Variants in ERBIN observed in about 807,000 individuals in gnomAD.
ERBIN encodes erbb2 interacting protein.
Under a neutral mutation model 158.4 loss-of-function variants are expected in ERBIN, and 60 were observed. That is an observed-to-expected ratio of 0.38 (90% CI 0.31 to 0.47). ERBIN has a LOEUF of 0.47. Ranked by LOEUF, ERBIN falls within the 20% of genes least tolerant of loss-of-function variation. ERBIN has a pLI of 0.99. For missense variants in ERBIN, 1,610 were observed against 1,648.0 expected (o/e 0.98, Z 0.40); for synonymous variants, 594 against 557.2 (o/e 1.07, Z -0.93).
chr5:66,028,669 T>C (rs764852807), intron 14 of ERBIN, among the ~76,000 whole-genome samples: 2 of 152,158 alleles, frequency 1.3e-5, no homozygotes, highest in Non-Finnish European at 2.9e-5. Flanking sequence ...ACACTTAAAG[T>C]CTACTCGGCA....
chr5:66,002,174 A>G (rs1358582951), intron 4 of ERBIN, among the ~76,000 whole-genome samples: 2 of 152,094 alleles, frequency 1.3e-5, no homozygotes, highest in Non-Finnish European at 2.9e-5. Context: ...ATAATATTCC[A>G]TGGTGTATTA....
intron 1 of ERBIN, among the ~76,000 whole-genome samples, chr5:65,948,281 C>G (rs1168227968): frequency 2.6e-5 from 4 of 151,800 alleles, no homozygotes; most frequent in Non-Finnish European, 5.9e-5. Flanking sequence ...CTCAAGCAAT[C>G]TTCCCGCCTC....
At chr5:65,931,503 C>A (rs567221148) in intron 1 of ERBIN, among the ~76,000 whole-genome samples, 39 of 152,168 alleles carry the variant, frequency 2.6e-4, no homozygotes, top group African/African-American at 9.4e-4. Context: ...GGCAGCTGTT[C>A]TCAGACTTTT....
intron 1 of ERBIN, among the ~76,000 whole-genome samples, chr5:65,945,479 G>A (rs952765908): frequency 6.6e-6 from 1 of 152,148 alleles, no homozygotes; most frequent in Non-Finnish European, 1.5e-5. Flanking sequence ...GAGCCTGATG[G>A]AGATCCAGGA....
intron 1 of ERBIN, among the ~76,000 whole-genome samples, chr5:65,970,630 CAG>C (rs1749145438): frequency 6.6e-6 from 1 of 152,196 alleles, no homozygotes; most frequent in Non-Finnish European, 1.5e-5. Context: ...CTCTTTTGCT[CAG>C]AGTTGAGTGC....
chr5:66,012,172 A>G, intron 5 of ERBIN, 45 bp downstream of exon 5: 1 of 1,234,102 alleles, frequency 8.1e-7, no homozygotes, highest in Non-Finnish European at 1.2e-6. Flanking sequence ...GAATAAAACA[A>G]TTATGAAACT....
At position 66,044,274 on chromosome 5, in the gene ERBIN, A is replaced by G; in HGVS notation, c.1566A>G (p.Glu522=). The change falls in exon 17 of 26, where the codon GAA becomes GAG. Residue 522 remains glutamate (E), a synonymous_variant. Transcript: ENST00000284037. The part of the protein sequence containing the change: ...EDSGRDLKPH[E]DQQDINKDVG... ...CAGGAAGAGATTTGAAACCACATGA[A>G]GATCAACAAGATATAAATAAAGATG... 2 of 1,604,250 alleles carry G rather than the reference A, an allele frequency of 1.2e-6. No individual in the cohort carries two copies. The highest frequency in any genetic ancestry group is 1.7e-6 in the Non-Finnish European group (2 of 1,177,436).
chr5:66,008,373 C>T (rs1288190735), intron 4 of ERBIN, among the ~76,000 whole-genome samples: 2 of 152,188 alleles, frequency 1.3e-5, no homozygotes, highest in Middle Eastern at 3.4e-3. Flanking sequence ...GAGCTGAGAT[C>T]GCGCCACTGC....
chr5:65,933,449 T>C (rs1743688386), intron 1 of ERBIN, among the ~76,000 whole-genome samples: 1 of 152,234 alleles, frequency 6.6e-6, no homozygotes, highest in African/African-American at 2.4e-5. Context: ...TGCTTACTGT[T>C]CCTCAGGAGG....
At chr5:65,939,857 T>C (rs1409424904) in intron 1 of ERBIN, among the ~76,000 whole-genome samples, 15 of 151,780 alleles carry the variant, frequency 9.9e-5, no homozygotes, top group Non-Finnish European at 1.8e-4. Context: ...TGCTCAATGG[T>C]GCCCAGGCTG....
chr5:66,071,873 A>G (rs561175958), intron 21 of ERBIN, among the ~76,000 whole-genome samples: 2 of 152,304 alleles, frequency 1.3e-5, no homozygotes, highest in South Asian at 4.1e-4. Context: ...TGTAAGTAAA[A>G]CTAAAAGGAA....
chr5:66,076,767 T>C, intron 24 of ERBIN, 108 bp from the exon 25 acceptor site: 1 of 793,492 alleles, frequency 1.3e-6, no homozygotes, highest in African/African-American at 1.8e-5. Context: ...GGGAGAAAAC[T>C]TGTACCATGA....
chr5:66,047,460 T>C (rs1184602635), intron 18 of ERBIN, among the ~76,000 whole-genome samples: 2 of 152,090 alleles, frequency 1.3e-5, no homozygotes, highest in African/African-American at 2.4e-5. Flanking sequence ...TGTGTGGATA[T>C]ATATTTTCAT....
At position 66,066,695 on chromosome 5, in the gene ERBIN, A is replaced by G. The variant is rs550888520; in HGVS notation, c.3634-5474A>G. Among the ~76,000 whole-genome samples, 26 of 152,308 alleles carry G rather than the reference A, an allele frequency of 1.7e-4. No homozygotes were observed. In the South Asian group the frequency reaches 5.4e-3, roughly 32 times the overall value. Reference sequence around the variant, plus strand: ...GCATTTACTAACATTCCTTATGAGAACTCAGATATTAAGCATTCCAAACCA... The same window carrying G: ...GCATTTACTAACATTCCTTATGAGAGCTCAGATATTAAGCATTCCAAACCA... On this transcript the variant is annotated intron_variant, in intron 21 of 25. Transcript: ENST00000284037.
At chr5:66,065,034 G>T (rs1760838683) in intron 21 of ERBIN, among the ~76,000 whole-genome samples, 2 of 152,054 alleles carry the variant, frequency 1.3e-5, no homozygotes, top group Non-Finnish European at 2.9e-5. Context: ...GGTAGTTAAG[G>T]AAATGAAGTC....
chr5:65,968,484 A>G (rs1013449694), intron 1 of ERBIN, among the ~76,000 whole-genome samples: 3 of 152,244 alleles, frequency 2.0e-5, no homozygotes, highest in African/African-American at 7.2e-5. Context: ...CAAACTAGTT[A>G]CAAGACCTAC....
chr5:65,996,399 T>C (rs1752447265), intron 4 of ERBIN, among the ~76,000 whole-genome samples: 1 of 152,136 alleles, frequency 6.6e-6, no homozygotes, highest in Admixed American at 6.6e-5. Context: ...TTGAAGAGAC[T>C]GTCCTTTACC....
chr5:66,068,305 C>T (rs1425385299), intron 21 of ERBIN, among the ~76,000 whole-genome samples: 5 of 151,694 alleles, frequency 3.3e-5, no homozygotes, highest in Non-Finnish European at 5.9e-5. Context: ...CTATTGTACT[C>T]CGGACTGGGA....
At chr5:65,977,788 C>G (rs1010840291) in intron 1 of ERBIN, among the ~76,000 whole-genome samples, 1 of 151,544 alleles carries the variant, frequency 6.6e-6, no homozygotes, top group Non-Finnish European at 1.5e-5. Context: ...CTCGGCACTT[C>G]GGGAGGCCAA....
Sources: gnomAD v4.1 joint callset for allele counts (sites outside exome capture counted in the v4.1 genomes callset) on GRCh38, gnomAD v4.1.1 for gene constraint, MANE v1.5 for transcripts, NCBI Gene and HGNC (gene_info 2026-07-23, HGNC 2026-07-21) for gene names.